SNX3: variants seen among roughly 807,000 people sequenced by gnomAD.
The protein encoded by SNX3 is sorting nexin-3.
In SNX3, 5 loss-of-function variants were observed where a neutral mutation model predicts 17.7. The ratio of observed to expected loss-of-function variants is 0.28; its 90% CI spans 0.15 to 0.59. The LOEUF (loss-of-function observed/expected upper bound fraction) is 0.59. Ranked by LOEUF, SNX3 falls within the 20% of genes least tolerant of loss-of-function variation. The pLI is 0.88. For synonymous variants in SNX3, 91 were observed against 76.5 expected (o/e 1.19, Z -0.99); for missense variants, 132 against 206.8 (o/e 0.64, Z 2.22).
intron 3 of SNX3, among the ~76,000 whole-genome samples, chr6:108,213,856 C>T (rs1436414021): frequency 6.6e-6 from 1 of 152,134 alleles, no homozygotes; most frequent in Non-Finnish European, 1.5e-5. Flanking sequence ...ATTTGATTTA[C>T]TTTTGCTAGT....
Position 108,249,718 on chromosome 6 carries a change from C to T in SNX3, c.162+11042G>A, listed in dbSNP as rs145289815. On this transcript the variant is annotated intron_variant, in intron 1 of 3. Transcript: ENST00000230085. ...TAATATTATCAGTGGGATGACAACA[C>T]AAAGTTACAATTTCTATGTAAAACT... Among the ~76,000 whole-genome samples the T allele has an allele frequency of 4.6e-5, 7 of 152,178 alleles. No individual in the cohort carries two copies. The East Asian group carries it at 1.4e-3, about 29-fold the overall frequency.
At chr6:108,238,444 C>T (rs1053319330) in intron 1 of SNX3, among the ~76,000 whole-genome samples, 3 of 152,034 alleles carry the variant, frequency 2.0e-5, no homozygotes, top group East Asian at 1.9e-4. Context: ...ATACTTTTTA[C>T]AGCCACTTAC....
At chr6:108,222,397 G>A (rs1774817030) in intron 2 of SNX3, 1 of 1,269,896 alleles carries the variant, frequency 7.9e-7, no homozygotes, top group Admixed American at 2.3e-5. Context: ...TATTCTAAGA[G>A]AAGATCAGGC....
chr6:108,228,331 C>T (rs1442199989), intron 1 of SNX3, among the ~76,000 whole-genome samples: 4 of 151,910 alleles, frequency 2.6e-5, no homozygotes, highest in Non-Finnish European at 4.4e-5. Context: ...GGTGGATCAT[C>T]TGAGGTCAGG....
At chr6:108,251,634 C>A (rs548298069) in intron 1 of SNX3, among the ~76,000 whole-genome samples, 3 of 152,138 alleles carry the variant, frequency 2.0e-5, no homozygotes, top group Admixed American at 1.3e-4. Context: ...GAGAAAAAAA[C>A]CAAAAAAACA....
At chr6:108,220,537 T>G (rs1401297642) in intron 2 of SNX3, among the ~76,000 whole-genome samples, 1 of 152,194 alleles carries the variant, frequency 6.6e-6, no homozygotes, top group African/African-American at 2.4e-5. Flanking sequence ...AGGTGTGTAG[T>G]AGGCTACACC....
At chr6:108,253,775 T>C (rs1183660842) in intron 1 of SNX3, among the ~76,000 whole-genome samples, 1 of 152,176 alleles carries the variant, frequency 6.6e-6, no homozygotes, top group East Asian at 1.9e-4. Context: ...GATAGCATGA[T>C]AAGCAGCAGG....
intron 3 of SNX3, 25 bp downstream of exon 3, chr6:108,214,473 A>G (rs1416340521): frequency 6.2e-7 from 1 of 1,610,264 alleles, no homozygotes; most frequent in Non-Finnish European, 8.5e-7. Context: ...GTAGTCCTAC[A>G]CTTTGAGGAA....
At chr6:108,257,557 C>G (rs1322614157) in intron 1 of SNX3, among the ~76,000 whole-genome samples, 1 of 152,120 alleles carries the variant, frequency 6.6e-6, no homozygotes, top group Non-Finnish European at 1.5e-5. Flanking sequence ...CATGTCATAG[C>G]CACTCTGCCT....
At chr6:108,258,033 G>A (rs1356404792) in intron 1 of SNX3, among the ~76,000 whole-genome samples, 1 of 152,126 alleles carries the variant, frequency 6.6e-6, no homozygotes, top group East Asian at 1.9e-4. Flanking sequence ...AACTCAATTA[G>A]GTTTTCACAT....
At chr6:108,252,911 T>C (rs1026528638) in intron 1 of SNX3, among the ~76,000 whole-genome samples, 3 of 152,184 alleles carry the variant, frequency 2.0e-5, no homozygotes, top group African/African-American at 7.2e-5. Flanking sequence ...GCGCTGGGAT[T>C]ACAGGCATGA....
chr6:108,249,335 T>C (rs1030699825), intron 1 of SNX3, among the ~76,000 whole-genome samples: 14 of 152,146 alleles, frequency 9.2e-5, no homozygotes, highest in Admixed American at 6.5e-5. Flanking sequence ...AGCAGGAGAA[T>C]TGCTTGAACC....
intron 1 of SNX3, among the ~76,000 whole-genome samples, chr6:108,256,384 A>T (rs1476024889): frequency 1.3e-5 from 2 of 152,280 alleles, no homozygotes; most frequent in Non-Finnish European, 2.9e-5. Context: ...ACTAAACATT[A>T]ACACACAGAA....
In SNX3 at chr6:108,216,201, T is replaced by C. The variant is rs554555595; in HGVS notation, c.259-1579A>G. ...GATCCTCCTGCATCAGCCTCCCAAA[T>C]AGCCGGGACACTACAGGTACATAGC... On this transcript the variant is annotated intron_variant, in intron 2 of 3. Transcript: ENST00000230085. 3.9e-5 allele frequency among the ~76,000 whole-genome samples: 6 copies of C among 152,244 alleles called. No homozygotes were observed. The South Asian group carries it at 1.0e-3, about 26-fold the overall frequency.
rs1373079445 is a variant in SNX3, at chr6:108,248,209, T to C, written c.162+12551A>G. Reference sequence around the variant, plus strand: ...GCAGACCTGGGTTCCCACTACAGATTATGCATATTTTATGAATTTACCTCT... The same window carrying C: ...GCAGACCTGGGTTCCCACTACAGATCATGCATATTTTATGAATTTACCTCT... On this transcript the variant is annotated intron_variant, in intron 1 of 3. Coordinates refer to ENST00000230085, the MANE Select transcript of SNX3 (RefSeq NM_003795.6). 2.6e-5 allele frequency among the ~76,000 whole-genome samples: 4 copies of C among 152,136 alleles called. No individual in the cohort carries two copies. In the East Asian group the frequency reaches 7.7e-4, roughly 29 times the overall value.
chr6:108,252,278 G>GGATTTCAAGGAGA (rs1775887665), intron 1 of SNX3: 1 of 155,338 alleles, frequency 6.4e-6, no homozygotes, highest in South Asian at 1.9e-4. Context: ...CCAAGGAGAT[G>GGATTTCAAGGAGA]TATGAGGAAG....
At chr6:108,244,644 G>A (rs956462792) in intron 1 of SNX3, among the ~76,000 whole-genome samples, 8 of 146,430 alleles carry the variant, frequency 5.5e-5, no homozygotes, top group African/African-American at 1.8e-4. Flanking sequence ...ATATAAGTAA[G>A]GAGTTTTTTT....
intron 1 of SNX3, among the ~76,000 whole-genome samples, chr6:108,255,075 A>G (rs753863155): frequency 1.7e-4 from 26 of 152,242 alleles, no homozygotes; most frequent in Non-Finnish European, 2.6e-4. Context: ...CAAATGATAC[A>G]TCCCTTAACA....
intron 2 of SNX3, among the ~76,000 whole-genome samples, chr6:108,216,673 CA>C (rs1285495327): frequency 6.6e-6 from 1 of 151,720 alleles, no homozygotes; most frequent in Non-Finnish European, 1.5e-5. Flanking sequence ...TACACATATT[CA>C]AAAAAATTAA....
Sources: gnomAD v4.1 joint callset for allele counts (sites outside exome capture counted in the v4.1 genomes callset) on GRCh38, gnomAD v4.1.1 for gene constraint, MANE v1.5 for transcripts, NCBI Gene and HGNC (gene_info 2026-07-23, HGNC 2026-07-21) for gene names.